The following MARCHF5 variants were observed in gnomAD, a reference collection of about 807,000 sequenced individuals.
MARCHF5 encodes the protein membrane associated ring-CH-type finger 5, also known as E3 ubiquitin-protein ligase MARCHF5.
In MARCHF5, 5 loss-of-function variants were observed where a neutral mutation model predicts 36.5. The ratio of observed to expected loss-of-function variants is 0.14; its 90% CI spans 0.07 to 0.29. MARCHF5 has a LOEUF of 0.29. Among genes scored for constraint, MARCHF5 ranks in the 10% least tolerant of loss-of-function variants. The probability of loss-of-function intolerance (pLI) is 1.00; values close to 1 mark genes in which losing one functional copy is unlikely to be tolerated. For synonymous variants in MARCHF5, 103 were observed against 109.9 expected, an observed-to-expected ratio of 0.94 and a Z score of 0.39; for missense variants, 179 against 336.3, an observed-to-expected ratio of 0.53 and a Z score of 3.66.
chr10:92,345,547 T>C (rs1843631848), intron 3 of MARCHF5, among the ~76,000 whole-genome samples: 1 of 152,060 alleles, frequency 6.6e-6, no homozygotes, highest in Non-Finnish European at 1.5e-5. Flanking sequence ...CAGACCTTAA[T>C]TAAAACTGTT....
intron 2 of MARCHF5, among the ~76,000 whole-genome samples, chr10:92,332,935 C>T (rs1290963159): frequency 2.6e-5 from 4 of 151,834 alleles, no homozygotes; most frequent in African/African-American, 9.7e-5. Flanking sequence ...GAGGGCAAGG[C>T]GGGCGGATTA....
chr10:92,299,753 G>A (rs538130655), intron 1 of MARCHF5, among the ~76,000 whole-genome samples: 32 of 152,240 alleles, frequency 2.1e-4, no homozygotes, highest in South Asian at 6.2e-4. Flanking sequence ...GGGCCTTAGT[G>A]CATAGGAGAC....
chr10:92,303,265 G>A (rs1843037060), intron 1 of MARCHF5, among the ~76,000 whole-genome samples: 1 of 152,144 alleles, frequency 6.6e-6, no homozygotes, highest in South Asian at 2.1e-4. Context: ...TTCCCAACTG[G>A]TTTGTAATAT....
Position 92,315,270 on chromosome 10 carries a change from C to A in MARCHF5, c.238+3933C>A, listed in dbSNP as rs1464831819. Reference sequence around the variant, plus strand: ...AAACAAAATACTTAAGAGCCTGCATCTGTGATAATAATTGTTCTTCCTCTC... The same window carrying A: ...AAACAAAATACTTAAGAGCCTGCATATGTGATAATAATTGTTCTTCCTCTC... On this transcript the variant is annotated intron_variant, in intron 2 of 5. Transcript: ENST00000358935. 2.0e-5 allele frequency among the ~76,000 whole-genome samples: 3 copies of A among 152,220 alleles called. No homozygotes were observed. The East Asian group carries it at 5.8e-4, about 29-fold the overall frequency.
intron 3 of MARCHF5, among the ~76,000 whole-genome samples, chr10:92,344,481 GA>G (rs1843618031): frequency 6.6e-6 from 1 of 151,950 alleles, no homozygotes; most frequent in Non-Finnish European, 1.5e-5. Context: ...CACTTGAAAA[GA>G]TTTTTTTTTT....
chr10:92,299,049 T>A (rs1454934024), intron 1 of MARCHF5, among the ~76,000 whole-genome samples: 2 of 151,944 alleles, frequency 1.3e-5, no homozygotes, highest in Admixed American at 1.3e-4. Context: ...TGTCTCAAAC[T>A]CCTGTTCTCC....
chr10:92,341,611 G>C (rs1843578958), intron 3 of MARCHF5, among the ~76,000 whole-genome samples: 1 of 151,826 alleles, frequency 6.6e-6, no homozygotes, highest in South Asian at 2.1e-4. Flanking sequence ...GTGTGTTCAG[G>C]TCTTTTGTCC....
intron 1 of MARCHF5, among the ~76,000 whole-genome samples, chr10:92,297,412 C>T (rs561795779): frequency 4.0e-5 from 6 of 151,642 alleles, no homozygotes; most frequent in African/African-American, 7.3e-5. Flanking sequence ...TCAAGTGATC[C>T]GCTCGCCTCG....
intron 1 of MARCHF5, chr10:92,308,464 A>G (rs955681352): frequency 1.3e-5 from 2 of 152,138 alleles, no homozygotes; most frequent in Non-Finnish European, 2.9e-5. Flanking sequence ...CTTGTGACTT[A>G]GAATGCCTTA....
At position 92,351,458 on chromosome 10, in the gene MARCHF5, A is replaced by T. The variant is rs1843712698; in HGVS notation, c.*251A>T. 1 of 283,010 alleles carries T rather than the reference A, an allele frequency of 3.5e-6. No individual in the cohort carries two copies. The highest frequency in any genetic ancestry group is 2.2e-5 in the African/African-American group (1 of 45,594). The allele number at this position is 283,010 out of a possible 1,614,324, so 17.5% of individuals were successfully genotyped here. The stretch of plus-strand genomic sequence containing the variant: ...TATGAACCATTATCTTAGCATGGTA[A>T]ACCTGGGTTTTGTTCATATTTTCTC... On this transcript the variant is annotated 3_prime_UTR_variant, in exon 6 of 6. Coordinates refer to ENST00000358935, the MANE Select transcript of MARCHF5 (RefSeq NM_017824.5).
chr10:92,340,781 A>T lies in MARCHF5; in HGVS notation c.347A>T (p.Tyr116Phe). ...VGSIYWTAVT[Y>F]GAVTVMQVVG... ...TCTATCTATTGGACAGCTGTGACTT[A>T]TGGAGCAGTGACAGTGATGCAGGTT... The change falls in exon 3 of 6, where the codon TAT (tyrosine) becomes TTT (phenylalanine). Residue 116 changes from tyrosine to phenylalanine, a missense_variant. By Grantham distance (22) the Tyr-to-Phe change is conservative (BLOSUM62 3). This residue lies in a region of MARCHF5 where 66 missense variants were observed against 180.5 expected (regional missense o/e 0.37). Transcript: ENST00000358935. 1 of 1,612,676 alleles carries T rather than the reference A, an allele frequency of 6.2e-7. No homozygotes were observed. The highest frequency in any genetic ancestry group is 8.5e-7 in the Non-Finnish European group (1 of 1,179,430).
intron 5 of MARCHF5, chr10:92,350,241 T>C (rs1843701423): frequency 1.1e-5 from 2 of 181,760 alleles, no homozygotes; most frequent in South Asian, 2.7e-4. Context: ...ATTGTGAGGA[T>C]TGTATAAGTA....
Position 92,340,713 on chromosome 10 carries a change from C to G in MARCHF5, c.279C>G (p.Ile93Met). ...TCTTGGATCTTGCAGATAGACTGAT[C>G]TCAAAAGCCTGTCCATTTGCTGCAG... is the stretch of plus-strand genomic sequence containing the variant. ...VYVLDLADRL[I>M]SKACPFAAAG... is the part of the protein sequence containing the mutation. Residue 93 changes from isoleucine to methionine, a missense_variant, in exon 3 of 6, where the codon ATC becomes ATG. This residue lies in a region of MARCHF5 where 66 missense variants were observed against 180.5 expected (regional missense o/e 0.37). Coordinates refer to ENST00000358935, the MANE Select transcript of MARCHF5 (RefSeq NM_017824.5). 6.2e-7 allele frequency: 1 copy of G among 1,613,668 alleles called. No homozygotes were observed. Among genetic ancestry groups the G allele is most frequent in the Non-Finnish European group, 8.5e-7 (1 of 1,179,788 alleles).
chr10:92,296,566 C>T (rs1358359066), intron 1 of MARCHF5, among the ~76,000 whole-genome samples: 1 of 152,112 alleles, frequency 6.6e-6, no homozygotes, highest in Non-Finnish European at 1.5e-5. Flanking sequence ...AGGAATGGAC[C>T]TCTGATTTGA....
rs1203929645 is a variant in MARCHF5 at position 92,349,540 on chromosome 10, A to G, written c.553+8A>G. On this transcript the variant is annotated splice_region_variant and intron_variant, in intron 4 of 5. Transcript: ENST00000358935. ...TAAATAGTATATTTCCAGGTAAGGC[A>G]CTGAACTGTGGTTGTAAAGTGCATA... 2 of 1,611,200 alleles carry G rather than the reference A, an allele frequency of 1.2e-6. No homozygotes were observed. The highest frequency in any genetic ancestry group is 2.2e-5 in the East Asian group (1 of 44,866).
intron 1 of MARCHF5, among the ~76,000 whole-genome samples, chr10:92,304,686 A>G (rs920674695): frequency 7.2e-5 from 11 of 152,202 alleles, no homozygotes; most frequent in African/African-American, 2.7e-4. Flanking sequence ...CTGTGCTGCT[A>G]ATATTACTGT....
At chr10:92,322,529 TC>T (rs1843302953) in intron 2 of MARCHF5, among the ~76,000 whole-genome samples, 1 of 150,080 alleles carries the variant, frequency 6.7e-6, no homozygotes, top group Non-Finnish European at 1.5e-5. Flanking sequence ...AACCTTGACT[TC>T]CTGGGCTCAA....
chr10:92,307,944 CTT>C (rs767555499), intron 1 of MARCHF5, among the ~76,000 whole-genome samples: 16 of 141,988 alleles, frequency 1.1e-4, no homozygotes, highest in Admixed American at 1.4e-4. Flanking sequence ...TGCTTCCCCC[CTT>C]TTTTTTTTTT....
intron 2 of MARCHF5, among the ~76,000 whole-genome samples, chr10:92,313,560 G>A (rs1843171455): frequency 6.6e-6 from 1 of 151,690 alleles, no homozygotes; most frequent in African/African-American, 2.4e-5. Flanking sequence ...AGCCAAGATA[G>A]CGCCACAGCA....
Sources: allele counts gnomAD v4.1 joint callset (sites outside exome capture counted in the v4.1 genomes callset), GRCh38; gene constraint gnomAD v4.1.1; regional missense constraint gnomAD v4.1.1; transcripts MANE v1.5; gene names NCBI Gene and HGNC (gene_info 2026-07-23, HGNC 2026-07-21).